The following CCDC15 variants were observed in gnomAD, a reference collection of about 807,000 sequenced individuals.
CCDC15 encodes the protein coiled-coil domain-containing protein 15.
A neutral mutation model predicts 114.5 loss-of-function variants in CCDC15; 105 were observed. That is an observed-to-expected ratio of 0.92 (90% CI 0.78 to 1.08). The LOEUF (loss-of-function observed/expected upper bound fraction) is 1.08, where lower values mean the gene tolerates loss of function less well. Among genes scored for constraint, CCDC15 ranks in the 50% least tolerant of loss-of-function variants. The probability of loss-of-function intolerance (pLI) is 0.00; values close to 1 mark genes in which losing one functional copy is unlikely to be tolerated. For synonymous variants in CCDC15, 334 were observed against 377.8 expected, an observed-to-expected ratio of 0.88 and a Z score of 1.34; for missense variants, 1,105 against 1,093.6, an observed-to-expected ratio of 1.01 and a Z score of -0.15.
At chr11:125,008,694 T>G (rs1032268581) in intron 13 of CCDC15, among the ~76,000 whole-genome samples, 5 of 152,040 alleles carry the variant, frequency 3.3e-5, no homozygotes, top group African/African-American at 1.2e-4. Context: ...TCAGTTGCAT[T>G]TCTTTTTCTT....
At position 125,021,282 on chromosome 11, in the gene CCDC15, G is replaced by A. The variant is rs141391482; in HGVS notation, c.2411+16070G>A. On this transcript the variant is annotated intron_variant, in intron 13 of 15. Coordinates refer to ENST00000344762, the MANE Select transcript of CCDC15 (RefSeq NM_025004.3). ...AGTTTCAGGAAGGAGGGAGTGGTTA[G>A]CAATATTAAATGTGTCTGAGAGGGC... Among the ~76,000 whole-genome samples the A allele has an allele frequency of 1.1e-4, 16 of 151,904 alleles. No homozygotes were observed. The East Asian group carries it at 3.1e-3, about 29-fold the overall frequency.
rs529766323 is a variant in CCDC15 at position 125,004,972 on chromosome 11, A to G, written c.2308-137A>G. 7.0e-5 allele frequency: 34 copies of G among 486,484 alleles called. No homozygotes were observed. In the South Asian group the frequency reaches 1.4e-3, roughly 20 times the overall value. 30.1% of individuals were successfully genotyped at this position (486,484 alleles called of 1,614,324 possible). Reference sequence around the variant, plus strand: ...GTGACCATAGACAGAAGGAAATTAAAGACTTAATCATGTAACTTCTATATC... The same window carrying G: ...GTGACCATAGACAGAAGGAAATTAAGGACTTAATCATGTAACTTCTATATC... On this transcript the variant is annotated intron_variant, in intron 12 of 15. Coordinates refer to ENST00000344762, the MANE Select transcript of CCDC15 (RefSeq NM_025004.3).
chr11:125,018,059 AAGTGTAC>A (rs1948639967), intron 13 of CCDC15, among the ~76,000 whole-genome samples: 1 of 152,144 alleles, frequency 6.6e-6, no homozygotes, highest in Non-Finnish European at 1.5e-5. Context: ...ACTTTAATCT[AAGTGTAC>A]AGTGTTTATA....
rs117352812 is a variant in CCDC15 at position 124,994,268 on chromosome 11, C to T, written c.2214+1025C>T. Among the ~76,000 whole-genome samples the T allele has an allele frequency of 2.6e-3, 390 of 152,184 alleles. 6 individuals are homozygous for T. In the East Asian group the frequency reaches 0.026, roughly 10 times the overall value. ...GCACCAGAGAGATACTTCCAGCAGA[C>T]GACAGGTAGAGCACATCACAGGGTA... On this transcript the variant is annotated intron_variant, in intron 11 of 15. Coordinates refer to ENST00000344762, the MANE Select transcript of CCDC15 (RefSeq NM_025004.3).
At chr11:125,012,901 T>C (rs1027770360) in intron 13 of CCDC15, among the ~76,000 whole-genome samples, 22 of 152,198 alleles carry the variant, frequency 1.4e-4, no homozygotes, top group Non-Finnish European at 2.6e-4. Context: ...TAAGTGTGAA[T>C]GTATCCCTTA....
At position 124,986,691 on chromosome 11, in the gene CCDC15, T is replaced by TGTGTGTGTGTGTG. The variant is rs1555068459; in HGVS notation, c.754-51_754-50insGTGTGTGTGTGTG. ...GCTGTGTGTGTGTGTGTGTGTGTGT[T>TGTGTGTGTGTGTG]TGTGTGTGTGCGCGCGCGCGCGTGC... On this transcript the variant is annotated intron_variant, in intron 6 of 15. Coordinates refer to ENST00000344762, the MANE Select transcript of CCDC15 (RefSeq NM_025004.3). 4.6e-4 allele frequency: 559 copies of TGTGTGTGTGTGTG among 1,222,152 alleles called. 7 individuals are homozygous for TGTGTGTGTGTGTG. The highest frequency in any genetic ancestry group is 3.9e-3 in the African/African-American group (220 of 56,798). 75.7% of individuals were successfully genotyped at this position (1,222,152 alleles called of 1,614,324 possible).
intron 11 of CCDC15, among the ~76,000 whole-genome samples, chr11:125,000,599 A>G (rs190883986): frequency 4.1e-3 from 626 of 152,364 alleles, no homozygotes; most frequent in Non-Finnish European, 6.8e-3. Context: ...GAAAACAGAA[A>G]GTAATTTCAT....
intron 6 of CCDC15, among the ~76,000 whole-genome samples, chr11:124,983,173 T>G (rs1948100307): frequency 6.6e-6 from 1 of 152,214 alleles, no homozygotes; most frequent in Non-Finnish European, 1.5e-5. Context: ...CCATTTTGTC[T>G]ATCAGCTTCT....
chr11:124,962,441 G>T lies in CCDC15; in HGVS notation c.516+2438G>T, dbSNP rs1240209104. On this transcript the variant is annotated intron_variant, in intron 4 of 15. Transcript: ENST00000344762. ...ATAATAAAAGAATGAGGTAAAGTAG[G>T]GAGTTACGGATGAAGCAAGATTGGC... Among the ~76,000 whole-genome samples the T allele has an allele frequency of 3.9e-5, 6 of 152,180 alleles. No homozygotes were observed. In the South Asian group the frequency reaches 1.0e-3, roughly 26 times the overall value.
intron 15 of CCDC15, 63 bp downstream of exon 15, chr11:125,039,132 GT>G: frequency 1.4e-6 from 2 of 1,432,856 alleles, no homozygotes; most frequent in Non-Finnish European, 1.9e-6. Context: ...AAGAGTAGTG[GT>G]AATAGTAATT....
At chr11:125,032,000 C>A (rs1287841449) in intron 13 of CCDC15, among the ~76,000 whole-genome samples, 1 of 152,216 alleles carries the variant, frequency 6.6e-6, no homozygotes, top group Admixed American at 6.5e-5. Flanking sequence ...CGACAGGTCC[C>A]ACACCACTGG....
At chr11:124,979,978 A>G (rs994660634) in intron 6 of CCDC15, among the ~76,000 whole-genome samples, 6 of 152,098 alleles carry the variant, frequency 3.9e-5, no homozygotes, top group Admixed American at 2.0e-4. Flanking sequence ...AGGGTTTTTA[A>G]CATGAAAGGA....
chr11:125,036,730 C>G (rs1948776974), intron 13 of CCDC15, among the ~76,000 whole-genome samples: 1 of 152,014 alleles, frequency 6.6e-6, no homozygotes, highest in Non-Finnish European at 1.5e-5. Flanking sequence ...ATTCTTTCTT[C>G]TGCTTGATTA....
Position 125,034,539 on chromosome 11 carries a change from T to C in CCDC15, c.2412-3892T>C, listed in dbSNP as rs183426452. On this transcript the variant is annotated intron_variant, in intron 13 of 15. Transcript: ENST00000344762. ...CCAGGAGTTAGCATCCCTGAGTTCA[T>C]CATTTTCTTTCATCACTTTGTCCAG... Among the ~76,000 whole-genome samples the C allele has an allele frequency of 4.6e-5, 7 of 152,302 alleles. No individual in the cohort carries two copies. In the East Asian group the frequency reaches 1.2e-3, roughly 25 times the overall value.
intron 4 of CCDC15, 103 bp downstream of exon 4, chr11:124,960,106 A>C: frequency 1.4e-6 from 1 of 731,448 alleles, no homozygotes. Context: ...GAGTTATCAC[A>C]CTCAGCTTCA....
Position 125,003,863 on chromosome 11 carries a change from A to G in CCDC15, c.2215-4A>G. ...CACTTTGTGTGACTGGACCTTCTTAACAGGCTTATGATAGGTATCAATCAG... is the reference window on the plus strand; with the variant it reads ...CACTTTGTGTGACTGGACCTTCTTAGCAGGCTTATGATAGGTATCAATCAG... On this transcript the variant is annotated splice_region_variant and splice_polypyrimidine_tract_variant and intron_variant, in intron 11 of 15. Transcript: ENST00000344762. The G allele has an allele frequency of 6.5e-7, 1 of 1,541,104 alleles. No homozygotes were observed. Among genetic ancestry groups the G allele is most frequent in the Non-Finnish European group, 8.7e-7 (1 of 1,145,380 alleles).
At chr11:125,027,751 AT>A (rs886269927) in intron 13 of CCDC15, among the ~76,000 whole-genome samples, 25 of 143,970 alleles carry the variant, frequency 1.7e-4, no homozygotes, top group Admixed American at 4.1e-4. Context: ...GGTACCATTT[AT>A]TTTTTTTTTG....
intron 11 of CCDC15, among the ~76,000 whole-genome samples, chr11:125,001,525 C>T (rs965143140): frequency 6.6e-6 from 1 of 152,154 alleles, no homozygotes; most frequent in Admixed American, 6.6e-5. Flanking sequence ...ATTTTCATCA[C>T]CCCCCAAAAG....
At position 125,036,745 on chromosome 11, in the gene CCDC15, C is replaced by T. The variant is rs150019231; in HGVS notation, c.2412-1686C>T. Among the ~76,000 whole-genome samples, 231 of 151,972 alleles carry T rather than the reference C, an allele frequency of 1.5e-3. 2 individuals are homozygous for T. Among genetic ancestry groups the T allele is most frequent in the African/African-American group, 4.9e-3 (204 of 41,464 alleles). On this transcript the variant is annotated intron_variant, in intron 13 of 15. Transcript: ENST00000344762. ...ATTCTTTCTTCTGCTTGATTAATTCCACTATTAACAGACTGTGATGCATTC... is the reference window on the plus strand; with the variant it reads ...ATTCTTTCTTCTGCTTGATTAATTCTACTATTAACAGACTGTGATGCATTC...
Sources: gnomAD v4.1 joint callset for allele counts (sites outside exome capture counted in the v4.1 genomes callset) on GRCh38, gnomAD v4.1.1 for gene constraint, MANE v1.5 for transcripts, NCBI Gene and HGNC (gene_info 2026-07-23, HGNC 2026-07-21) for gene names.